GOLGA5: variants seen among roughly 807,000 people sequenced by gnomAD.
GOLGA5 encodes the protein golgin A5, also known as golgin subfamily A member 5.
GOLGA5 carries 50 observed loss-of-function variants against 93.5 expected under a neutral mutation model. That is an observed-to-expected ratio of 0.53 (90% CI 0.43 to 0.68). The LOEUF (loss-of-function observed/expected upper bound fraction) is 0.68. GOLGA5 is among the 30% of genes least tolerant of loss of function. The pLI is 0.00. For missense variants in GOLGA5, 760 were observed against 856.4 expected (o/e 0.89, Z 1.40); for synonymous variants, 312 against 304.5 (o/e 1.02, Z -0.26).
At chr14:92,826,477 C>A (rs1885424300) in intron 9 of GOLGA5, among the ~76,000 whole-genome samples, 1 of 152,096 alleles carries the variant, frequency 6.6e-6, no homozygotes, top group Non-Finnish European at 1.5e-5. Context: ...GGGCAGATCA[C>A]TTGAGGCCAG....
chr14:92,833,508 G>A (rs1566961564), intron 10 of GOLGA5, among the ~76,000 whole-genome samples, 161 bp downstream of exon 10: 2 of 152,184 alleles, frequency 1.3e-5, no homozygotes, highest in African/African-American at 4.8e-5. Flanking sequence ...TAGTGAACCG[G>A]ATAATGGACT....
chr14:92,811,453 T>A, intron 5 of GOLGA5, 98 bp from the exon 6 acceptor site: 3 of 842,500 alleles, frequency 3.6e-6, no homozygotes, highest in Non-Finnish European at 5.9e-6. Context: ...GTTGTTTGGC[T>A]GAGCTAATAA....
intron 8 of GOLGA5, among the ~76,000 whole-genome samples, chr14:92,821,162 CA>C (rs1188259884): frequency 6.6e-6 from 1 of 152,176 alleles, no homozygotes; most frequent in African/African-American, 2.4e-5. Context: ...AACTTCAAAA[CA>C]TATTATATTC....
At chr14:92,822,968 T>C (rs1470692587) in intron 8 of GOLGA5, among the ~76,000 whole-genome samples, 1 of 152,138 alleles carries the variant, frequency 6.6e-6, no homozygotes, top group Admixed American at 6.5e-5. Flanking sequence ...CAGAAGTTGA[T>C]TTTTATGTAG....
intron 9 of GOLGA5, among the ~76,000 whole-genome samples, chr14:92,825,955 G>C (rs1009737468): frequency 6.6e-6 from 1 of 151,550 alleles, no homozygotes; most frequent in African/African-American, 2.4e-5. Flanking sequence ...AGGAGTTCAA[G>C]ATCAGCCTGG....
chr14:92,827,636 A>G (rs779055529), intron 9 of GOLGA5, among the ~76,000 whole-genome samples: 2 of 152,248 alleles, frequency 1.3e-5, no homozygotes, highest in Non-Finnish European at 2.9e-5. Context: ...CATTAAGTGA[A>G]AAGCTAGAGA....
At chr14:92,811,955 A>G (rs1241512077) in intron 6 of GOLGA5, among the ~76,000 whole-genome samples, 2 of 146,054 alleles carry the variant, frequency 1.4e-5, no homozygotes, top group Non-Finnish European at 3.0e-5. Flanking sequence ...AAAAAAATTC[A>G]TTCTGCCACT....
Position 92,833,109 on chromosome 14 carries a change from CTT to C in GOLGA5, c.1720-11_1720-10del. 6.9e-7 allele frequency: 1 copy of C among 1,445,100 alleles called. No homozygotes were observed. The highest frequency in any genetic ancestry group is 9.7e-7 in the Non-Finnish European group (1 of 1,027,078). The allele number at this position is 1,445,100 out of a possible 1,614,324, so 89.5% of individuals were successfully genotyped here. A position where few individuals can be genotyped will look rare whatever the true frequency, so the allele number is the denominator to read the frequency against. On this transcript the variant is annotated splice_polypyrimidine_tract_variant and intron_variant, in intron 9 of 12. Coordinates refer to ENST00000163416, the MANE Select transcript of GOLGA5 (RefSeq NM_005113.4). ...ATTTTATGTAAGAATTTTGTGAACA[CTT>C]TCTCTTTCAGCTTACCAATAAAACT...
At chr14:92,816,695 G>A (rs141238371) in intron 7 of GOLGA5, among the ~76,000 whole-genome samples, 1 of 152,226 alleles carries the variant, frequency 6.6e-6, no homozygotes, top group Non-Finnish European at 1.5e-5. Flanking sequence ...CCAAGTAGGT[G>A]GAACTACAGG....
Position 92,811,225 on chromosome 14 carries a change from C to T in GOLGA5, c.1117-326C>T, listed in dbSNP as rs555024855. Among the ~76,000 whole-genome samples, 5 of 152,220 alleles carry T rather than the reference C, an allele frequency of 3.3e-5. No homozygotes were observed. In the East Asian group the frequency reaches 9.6e-4, roughly 29 times the overall value. On this transcript the variant is annotated intron_variant, in intron 5 of 12. Transcript: ENST00000163416. ...CTAGTATCAGACCAGACCTAGTATCCAAGTGACCAGGTTCACCTGGGAAAT... is the reference window on the plus strand; with the variant it reads ...CTAGTATCAGACCAGACCTAGTATCTAAGTGACCAGGTTCACCTGGGAAAT...
chr14:92,806,759 A>C lies in GOLGA5; in HGVS notation c.568A>C (p.Ser190Arg), dbSNP rs146398576. 6.1e-5 allele frequency: 98 copies of C among 1,613,432 alleles called. No homozygotes were observed. In the East Asian group the frequency reaches 2.2e-3, roughly 36 times the overall value. ...AGAAGCTGCCAGTAACTCAGATTCT[A>C]GCCATGAAGGTCAAGAGGAATCTTC... is the stretch of plus-strand genomic sequence containing the variant. Reference protein sequence around the residue: ...THEAASNSDSSHEGQEESSKE... With the variant: ...THEAASNSDSRHEGQEESSKE... Residue 190 changes from serine to arginine, a missense_variant, in exon 3 of 13, where the codon AGC (serine) becomes CGC (arginine). Ser to Arg is a moderately radical substitution (Grantham distance 110). Transcript: ENST00000163416.
At chr14:92,818,072 G>A (rs182802362) in intron 7 of GOLGA5, among the ~76,000 whole-genome samples, 91 of 152,116 alleles carry the variant, frequency 6.0e-4, no homozygotes, top group Middle Eastern at 3.4e-3. Context: ...CTTAGAAATT[G>A]GGTAGATGCT....
chr14:92,824,104 G>A (rs1595600885), intron 8 of GOLGA5, among the ~76,000 whole-genome samples: 1 of 151,756 alleles, frequency 6.6e-6, no homozygotes, highest in Admixed American at 6.6e-5. Flanking sequence ...CATGTACTTT[G>A]CCTATTTTTA....
chr14:92,816,537 G>GCTTCGCTTCGCTTCTCTTCT (rs1555405173), intron 7 of GOLGA5, 116 bp downstream of exon 7: 33 of 726,490 alleles, frequency 4.5e-5, no homozygotes, highest in Non-Finnish European at 7.3e-5. Context: ...TCTTCGCTTC[G>GCTTCGCTTCGCTTCTCTTCT]CTTCGCTTCT....
In GOLGA5 at chr14:92,797,703, G is replaced by A. The variant is rs372390722; in HGVS notation, c.266G>A (p.Arg89Gln). The change falls in exon 2 of 13, where the codon CGG (arginine) becomes CAG (glutamine). Residue 89 changes from arginine to glutamine, a missense_variant. Transcript: ENST00000163416. Reference sequence around the variant, plus strand: ...ACTGCAAATGTGAAAGTAGGATCTCGGACACCAGTAGAGGCCTCTCATCCT... The same window carrying A: ...ACTGCAAATGTGAAAGTAGGATCTCAGACACCAGTAGAGGCCTCTCATCCT... ...AGTANVKVGS[R>Q]TPVEASHPVE... The A allele has an allele frequency of 1.5e-5, 25 of 1,613,962 alleles. No homozygotes were observed. Among genetic ancestry groups the A allele is most frequent in the Middle Eastern group, 1.6e-4 (1 of 6,084 alleles).
chr14:92,821,041 C>T lies in GOLGA5; in HGVS notation c.1620+1205C>T, dbSNP rs115346800. Among the ~76,000 whole-genome samples the T allele has an allele frequency of 6.5e-3, 983 of 152,326 alleles. 17 individuals carry two copies. Among genetic ancestry groups the T allele is most frequent in the African/African-American group, 0.022 (929 of 41,570 alleles). On this transcript the variant is annotated intron_variant, in intron 8 of 12. Transcript: ENST00000163416. ...ATGGAGGCACAGAATGGTGATGGCA[C>T]TTGCCTGGTACAACTAATTAAAGAT... is the stretch of plus-strand genomic sequence containing the variant.
Position 92,794,421 on chromosome 14 carries a change from G to C in GOLGA5, c.-66G>C, listed in dbSNP as rs866870089. ...CCGAGGGGGCGCGGCCCAGGACGGC[G>C]GCTAGGCCGTAGTGCAGCCTCTCCG... On this transcript the variant is annotated 5_prime_UTR_variant, in exon 1 of 13. Coordinates refer to ENST00000163416, the MANE Select transcript of GOLGA5 (RefSeq NM_005113.4). 5 of 152,460 alleles carry C rather than the reference G, an allele frequency of 3.3e-5. No individual in the cohort carries two copies. The highest frequency in any genetic ancestry group is 6.8e-3 in the Middle Eastern group (2 of 296). 9.4% of individuals were successfully genotyped at this position (152,460 alleles called of 1,614,324 possible). A position where few individuals can be genotyped will look rare whatever the true frequency, so the allele number is the denominator to read the frequency against.
At chr14:92,814,326 A>G (rs75072132) in intron 6 of GOLGA5, among the ~76,000 whole-genome samples, 9,682 of 152,212 alleles carry the variant, frequency 0.064, 372 homozygotes, top group Middle Eastern at 0.12. Context: ...ATGCCATCCA[A>G]TGAAGCCAAG....
At chr14:92,831,265 A>G (rs931964240) in intron 9 of GOLGA5, among the ~76,000 whole-genome samples, 1 of 152,246 alleles carries the variant, frequency 6.6e-6, no homozygotes, top group African/African-American at 2.4e-5. Flanking sequence ...CCCAGTGTAA[A>G]TGAAGATGTA....
Sources: gnomAD v4.1 joint callset for allele counts (sites outside exome capture counted in the v4.1 genomes callset) on GRCh38, gnomAD v4.1.1 for gene constraint, MANE v1.5 for transcripts, NCBI Gene and HGNC (gene_info 2026-07-23, HGNC 2026-07-21) for gene names.